Variants in PTK6 observed in about 807,000 individuals in gnomAD.
PTK6 encodes protein-tyrosine kinase 6.
Under a neutral mutation model 47.5 loss-of-function variants are expected in PTK6, and 47 were observed. That is an observed-to-expected ratio of 0.99 (90% confidence interval 0.78 to 1.26). The LOEUF (loss-of-function observed/expected upper bound fraction) is 1.26. Ranked by LOEUF, PTK6 falls within the 50% of genes most tolerant of loss-of-function variation. The pLI is 0.00. For missense variants in PTK6, 618 were observed against 625.3 expected (o/e 0.99, Z 0.12); for synonymous variants, 287 against 276.5 (o/e 1.04, Z -0.38).
At position 63,529,653 on chromosome 20, in the gene PTK6, C is replaced by T. The variant is rs768608093; in HGVS notation, c.1239G>A (p.Pro413=). Residue 413 remains proline (P), a synonymous_variant, in exon 8 of 8, where the codon CCG becomes CCA. Transcript: ENST00000542869. The surrounding 1 kb of genome is among the most constrained non-coding windows in gnomAD (Gnocchi z 5.6). ...GYRMPCPLEC[P]PSVHKLMLTC... is the part of the protein sequence containing the mutation. The stretch of plus-strand genomic sequence containing the variant: ...TCAGCATCAGCTTGTGCACGCTGGG[C>T]GGGCACTCCAGAGGGCAGGGCATGC... 16 of 1,547,398 alleles carry T rather than the reference C, an allele frequency of 1.0e-5. No homozygotes were observed. Among genetic ancestry groups the T allele is most frequent in the Admixed American group, 4.1e-5 (2 of 49,350 alleles).
chr20:63,530,135 A>G lies in PTK6; in HGVS notation c.1111T>C (p.Trp371Arg). Residue 371 changes from tryptophan to arginine, a missense_variant, in exon 7 of 8, where the codon TGG becomes CGG. Transcript: ENST00000542869. The surrounding 1 kb of genome is among the most constrained non-coding windows in gnomAD (Gnocchi z 4.1). ...TCATGCAGGAGAATCCCAAAGGACC[A>G]GACGTCGGATTTGGTGGAGTAATGG... ...RGHYSTKSDV[W>R]SFGILLHEMF... 6.2e-7 allele frequency: 1 copy of G among 1,614,086 alleles called. No homozygotes were observed. Among genetic ancestry groups the G allele is most frequent in the Non-Finnish European group, 8.5e-7 (1 of 1,179,980 alleles).
chr20:63,529,758 A>C lies in PTK6; in HGVS notation c.1169-35T>G. On this transcript the variant is annotated intron_variant, in intron 7 of 7. Transcript: ENST00000542869. The surrounding 1 kb of genome is among the most constrained non-coding windows in gnomAD (Gnocchi z 5.6). ...ACAGGGATGAGAAGAGCTGGGGCCC[A>C]CCTGCCTACCCTCCCCCAAGAAGCC... is the stretch of plus-strand genomic sequence containing the variant. 6.6e-7 allele frequency: 1 copy of C among 1,507,006 alleles called. No individual in the cohort carries two copies. The highest frequency in any genetic ancestry group is 8.9e-7 in the Non-Finnish European group (1 of 1,126,124). 93.4% of individuals were successfully genotyped at this position (1,507,006 alleles called of 1,614,324 possible).
chr20:63,531,350 G>A (rs1270582529), intron 5 of PTK6, among the ~76,000 whole-genome samples: 2 of 148,970 alleles, frequency 1.3e-5, no homozygotes, highest in African/African-American at 2.5e-5. Flanking sequence ...GAACCCGGGA[G>A]GCGGAGCTTG....
At position 63,533,822 on chromosome 20, in the gene PTK6, G is replaced by T; in HGVS notation, c.517-118C>A. The stretch of plus-strand genomic sequence containing the variant: ...TTTAGGGCCACGATCAGCCTGGGTT[G>T]GGGGTTTCTGAGTGTCTGACACAAG... On this transcript the variant is annotated intron_variant, in intron 3 of 7. Coordinates refer to ENST00000542869, the MANE Select transcript of PTK6 (RefSeq NM_005975.4). This position sits in a 1 kb window ranked among gnomAD's most constrained non-coding sequence, Gnocchi z 4.0. The T allele has an allele frequency of 1.4e-6, 2 of 1,398,322 alleles. No individual in the cohort carries two copies. Among genetic ancestry groups the T allele is most frequent in the African/African-American group, 1.5e-5 (1 of 68,154 alleles). The allele number at this position is 1,398,322 out of a possible 1,614,324, so 86.6% of individuals were successfully genotyped here. A position where few individuals can be genotyped will look rare whatever the true frequency, so the allele number is the denominator to read the frequency against.
intron 2 of PTK6, 104 bp downstream of exon 2, chr20:63,534,834 G>A (rs1261601163): frequency 1.4e-6 from 2 of 1,424,020 alleles, no homozygotes; most frequent in Non-Finnish European, 1.9e-6. Flanking sequence ...AGGAGCCCAT[G>A]TCCCCCGTCT....
At position 63,537,041 on chromosome 20, in the gene PTK6, G is replaced by A. The variant is rs201445395; in HGVS notation, c.230+44C>T. Reference sequence around the variant, plus strand: ...GAGCCCTGTCCCTCCCCTGTGCCTAGAGGGTGGCCTGTGCCAAAGCTCCCA... The same window carrying A: ...GAGCCCTGTCCCTCCCCTGTGCCTAAAGGGTGGCCTGTGCCAAAGCTCCCA... On this transcript the variant is annotated intron_variant, in intron 1 of 7. Transcript: ENST00000542869. 6.8e-5 allele frequency: 106 copies of A among 1,552,002 alleles called. No individual in the cohort carries two copies. In the African/African-American group the frequency reaches 1.4e-3, roughly 20 times the overall value.
At chr20:63,536,746 G>A (rs932136896) in intron 1 of PTK6, among the ~76,000 whole-genome samples, 9 of 152,218 alleles carry the variant, frequency 5.9e-5, no homozygotes, top group East Asian at 1.9e-4. Context: ...ACTGGCCACC[G>A]GGCCCCAGAA....
At chr20:63,535,154 C>G (rs1308848236) in intron 1 of PTK6, 95 bp from the exon 2 acceptor site, 7 of 1,451,862 alleles carry the variant, frequency 4.8e-6, no homozygotes, top group Non-Finnish European at 6.4e-6. Context: ...CCCAGCCGCC[C>G]TTGCCTGCCA....
In PTK6 at chr20:63,532,597, A is replaced by G. The variant is rs756711218; in HGVS notation, c.761T>C (p.Val254Ala). The G allele has an allele frequency of 6.2e-7, 1 of 1,614,056 alleles. No individual in the cohort carries two copies. Among genetic ancestry groups the G allele is most frequent in the Middle Eastern group, 1.6e-4 (1 of 6,062 alleles). ...HKHILALYAVVSVGDPVYIIT... is the reference protein window; with the variant it reads ...HKHILALYAVASVGDPVYIIT... The stretch of plus-strand genomic sequence containing the variant: ...GATGTACACGGGGTCCCCCACGGAC[A>G]CCACGGCGTACAGCGCCAGGATGTG... Residue 254 changes from valine (V) to alanine (A), a missense_variant, in exon 5 of 8, where the codon GTG becomes GCG. Val to Ala is a moderately conservative substitution (Grantham distance 64). Transcript: ENST00000542869.
chr20:63,534,561 G>A (rs943342733), intron 2 of PTK6, among the ~76,000 whole-genome samples: 3 of 152,214 alleles, frequency 2.0e-5, no homozygotes, highest in African/African-American at 7.2e-5. Flanking sequence ...GATGGCAGCT[G>A]CCTAAAATCC....
intron 1 of PTK6, 131 bp from the exon 2 acceptor site, chr20:63,535,190 G>C: frequency 7.6e-7 from 1 of 1,308,276 alleles, no homozygotes; most frequent in Non-Finnish European, 1.0e-6. Context: ...CCTGACCACA[G>C]CTGCTCTCAG....
rs755705072 is a variant in PTK6 at position 63,530,178 on chromosome 20, A to C, written c.1068T>G (p.Pro356=). The change falls in exon 7 of 8, where the codon CCT becomes CCG. Residue 356 remains proline (P), a synonymous_variant. Coordinates refer to ENST00000542869, the MANE Select transcript of PTK6 (RefSeq NM_005975.4). The surrounding 1 kb of genome is among the most constrained non-coding windows in gnomAD (Gnocchi z 4.1). ...DHNIPYKWTA[P]EALSRGHYST... ...AGTAATGGCCTCGGGAGAGCGCTTC[A>C]GGGGCCGTCCACTTGTAGGGGATAT... The C allele has an allele frequency of 6.2e-7, 1 of 1,614,060 alleles. No homozygotes were observed. The highest frequency in any genetic ancestry group is 8.5e-7 in the Non-Finnish European group (1 of 1,179,962).
rs892446544 is a variant in PTK6, at chr20:63,533,854, C to G, written c.517-150G>C. The G allele has an allele frequency of 3.7e-5, 44 of 1,200,204 alleles. No individual in the cohort carries two copies. Among genetic ancestry groups the G allele is most frequent in the Middle Eastern group, 2.1e-4 (1 of 4,686 alleles). 74.3% of individuals were successfully genotyped at this position (1,200,204 alleles called of 1,614,324 possible). A position where few individuals can be genotyped will look rare whatever the true frequency, so the allele number is the denominator to read the frequency against. ...TCTGAGTGTCTGACACAAGGGTGGA[C>G]TCTCCTGGGGGCTGCCCCCAGCCCA... is the stretch of plus-strand genomic sequence containing the variant. On this transcript the variant is annotated intron_variant, in intron 3 of 7. Coordinates refer to ENST00000542869, the MANE Select transcript of PTK6 (RefSeq NM_005975.4). This position sits in a 1 kb window ranked among gnomAD's most constrained non-coding sequence, Gnocchi z 4.0.
rs761259957 is a variant in PTK6 at position 63,534,221 on chromosome 20, G to A, written c.447C>T (p.Pro149=). 2.4e-5 allele frequency: 39 copies of A among 1,597,336 alleles called. No individual in the cohort carries two copies. In the Middle Eastern group the frequency reaches 6.8e-4, roughly 28 times the overall value. ...GGGCCCTGTGGTAGTTCACAAGCTCGGGCAGGCTGAGGAAGGACACCGCCT... is the reference window on the plus strand; with the variant it reads ...GGGCCCTGTGGTAGTTCACAAGCTCAGGCAGGCTGAGGAAGGACACCGCCT... ...LNEAVSFLSL[P]ELVNYHRAQS... The change falls in exon 3 of 8, where the codon CCC becomes CCT. Residue 149 remains proline (P), a synonymous_variant. Transcript: ENST00000542869.
At chr20:63,536,922 C>T (rs765492085) in intron 1 of PTK6, among the ~76,000 whole-genome samples, 163 bp downstream of exon 1, 13 of 152,242 alleles carry the variant, frequency 8.5e-5, no homozygotes, top group African/African-American at 4.8e-5. Flanking sequence ...ATGGGGCCTG[C>T]AGGGAGGATC....
chr20:63,532,341 GTGTGCATGTGTGTC>G (rs2082630086), intron 5 of PTK6, among the ~76,000 whole-genome samples, 171 bp downstream of exon 5: 1 of 114,952 alleles, frequency 8.7e-6, no homozygotes, highest in South Asian at 2.1e-4. Flanking sequence ...GTGCATGTGT[GTGTGCATGTGTGTC>G]TGTGCGTGTG....
In PTK6 at chr20:63,529,841, C is replaced by T. The variant is rs2082603966; in HGVS notation, c.1169-118G>A. ...TTCCCCGCAGCCTCAGCTGCCATGC[C>T]TTGGCGCCACCCAGCACACTGTCCA... On this transcript the variant is annotated intron_variant, in intron 7 of 7. Coordinates refer to ENST00000542869, the MANE Select transcript of PTK6 (RefSeq NM_005975.4). The surrounding 1 kb of genome is among the most constrained non-coding windows in gnomAD (Gnocchi z 5.6). 1.6e-6 allele frequency: 2 copies of T among 1,222,674 alleles called. No homozygotes were observed. The highest frequency in any genetic ancestry group is 1.5e-5 in the South Asian group (1 of 65,750). The allele number at this position is 1,222,674 out of a possible 1,614,324, so 75.7% of individuals were successfully genotyped here.
At position 63,533,590 on chromosome 20, in the gene PTK6, T is replaced by C; in HGVS notation, c.631A>G (p.Lys211Glu). The change falls in exon 4 of 8, where the codon AAA becomes GAA. Residue 211 changes from lysine (K) to glutamate (E), a missense_variant. By Grantham distance (56) the Lys-to-Glu change is moderately conservative. Coordinates refer to ENST00000542869, the MANE Select transcript of PTK6 (RefSeq NM_005975.4). The surrounding 1 kb of genome is among the most constrained non-coding windows in gnomAD (Gnocchi z 4.0). ...TTAATGGCCACCTGGACCCGGTCTTTCCAGAGCCCCTCGAAGACCTCCCCA... is the reference window on the plus strand; with the variant it reads ...TTAATGGCCACCTGGACCCGGTCTTCCCAGAGCCCCTCGAAGACCTCCCCA... ...YFGEVFEGLW[K>E]DRVQVAIKVI... is the part of the protein sequence containing the mutation. 1 of 1,613,578 alleles carries C rather than the reference T, an allele frequency of 6.2e-7. No homozygotes were observed. The highest frequency in any genetic ancestry group is 8.5e-7 in the Non-Finnish European group (1 of 1,179,860).
At chr20:63,532,412 T>C (rs1266523884) in intron 5 of PTK6, 114 bp downstream of exon 5, 17 of 1,334,088 alleles carry the variant, frequency 1.3e-5, no homozygotes, top group Non-Finnish European at 1.7e-5. Context: ...TGTGTGTGTC[T>C]GTGTGTCTGT....
Sources: allele counts gnomAD v4.1 joint callset (sites outside exome capture counted in the v4.1 genomes callset), GRCh38; gene constraint gnomAD v4.1.1; non-coding constraint Gnocchi (gnomAD v3.1); transcripts MANE v1.5; gene names NCBI Gene and HGNC (gene_info 2026-07-23, HGNC 2026-07-21).